Variants in PTPRN2 observed in about 807,000 individuals in gnomAD.
PTPRN2 encodes the protein protein tyrosine phosphatase receptor type N2.
A neutral mutation model predicts 118.8 loss-of-function variants in PTPRN2; 74 were observed. The ratio of observed to expected loss-of-function variants is 0.62; its 90% confidence interval spans 0.52 to 0.76. The LOEUF (loss-of-function observed/expected upper bound fraction) is 0.76, where lower values mean the gene tolerates loss of function less well. Ranked by LOEUF, PTPRN2 falls within the 30% of genes least tolerant of loss-of-function variation. The pLI is 0.00. For synonymous variants in PTPRN2, 641 were observed against 608.0 expected (o/e 1.05, Z -0.80); for missense variants, 1,481 against 1,394.4 (o/e 1.06, Z -0.99).
At chr7:158,163,909 T>C (rs1482704176) in intron 6 of PTPRN2, among the ~76,000 whole-genome samples, 1 of 152,284 alleles carries the variant, frequency 6.6e-6, no homozygotes, top group Admixed American at 6.5e-5. Flanking sequence ...GTGTATTTCA[T>C]AGGTGATACC....
intron 11 of PTPRN2, among the ~76,000 whole-genome samples, chr7:158,070,966 TCACGG>T (rs1811349525): frequency 1.2e-4 from 5 of 41,018 alleles, no homozygotes; most frequent in African/African-American, 4.2e-4. Context: ...GTGGAGGTGC[TCACGG>T]TGGAGGTGCC....
In PTPRN2 at chr7:158,489,793, G is replaced by T; in HGVS notation, c.113-8C>A. Reference sequence around the variant, plus strand: ...CCTCCTCGAGCAGGCAGCCTGCGGGGAAACAGAGAAGAGACGCGGTCAGCT... The same window carrying T: ...CCTCCTCGAGCAGGCAGCCTGCGGGTAAACAGAGAAGAGACGCGGTCAGCT... On this transcript the variant is annotated splice_region_variant and splice_polypyrimidine_tract_variant and intron_variant, in intron 1 of 22. Transcript: ENST00000389418. 1 of 1,571,362 alleles carries T rather than the reference G, an allele frequency of 6.4e-7. No homozygotes were observed.
intron 3 of PTPRN2, among the ~76,000 whole-genome samples, chr7:158,307,059 G>T (rs564107958): frequency 1.3e-5 from 2 of 152,058 alleles, no homozygotes; most frequent in African/African-American, 4.8e-5. Context: ...TAGAGACGGG[G>T]TTTCACCATG....
At chr7:158,270,978 C>T (rs1183518887) in intron 3 of PTPRN2, among the ~76,000 whole-genome samples, 21 of 116,966 alleles carry the variant, frequency 1.8e-4, no homozygotes, top group Admixed American at 2.5e-4. Flanking sequence ...CTGGACCACC[C>T]CCTCCACCTG....
At chr7:157,727,177 G>T (rs144191236) in intron 12 of PTPRN2, among the ~76,000 whole-genome samples, 1 of 152,170 alleles carries the variant, frequency 6.6e-6, no homozygotes, top group East Asian at 1.9e-4. Flanking sequence ...GTATTTGCAC[G>T]CCAGGTTCAC....
chr7:157,671,378 G>A lies in PTPRN2; in HGVS notation c.2001+11347C>T, dbSNP rs534720211. ...GTGACGAGACGTCACCGCAGAGGCGGCAGAAGGGATAAAGGGGAGGTAGGG... is the reference window on the plus strand; with the variant it reads ...GTGACGAGACGTCACCGCAGAGGCGACAGAAGGGATAAAGGGGAGGTAGGG... On this transcript the variant is annotated intron_variant, in intron 13 of 22. Coordinates refer to ENST00000389418, the MANE Select transcript of PTPRN2 (RefSeq NM_002847.5). This position sits in a 1 kb window ranked among gnomAD's most constrained non-coding sequence, Gnocchi z 4.1. Among the ~76,000 whole-genome samples the A allele has an allele frequency of 1.8e-4, 28 of 152,320 alleles. No individual in the cohort carries two copies. The highest frequency in any genetic ancestry group is 5.0e-4 in the African/African-American group (21 of 41,594).
At chr7:157,743,408 T>G (rs1323369820) in intron 12 of PTPRN2, among the ~76,000 whole-genome samples, 1 of 152,196 alleles carries the variant, frequency 6.6e-6, no homozygotes, top group African/African-American at 2.4e-5. Flanking sequence ...GGGCTATGCT[T>G]AGGGCCTAAG....
intron 10 of PTPRN2, among the ~76,000 whole-genome samples, chr7:158,084,980 C>T (rs1813179394): frequency 7.0e-6 from 1 of 143,298 alleles, no homozygotes; most frequent in Non-Finnish European, 1.5e-5. Flanking sequence ...CCACGACGCC[C>T]ATCCACACGG....
At chr7:158,489,115 A>C (rs1263806413) in intron 2 of PTPRN2, among the ~76,000 whole-genome samples, 3 of 152,238 alleles carry the variant, frequency 2.0e-5, no homozygotes, top group Non-Finnish European at 4.4e-5. Context: ...CTGTTTTCTT[A>C]TCCGCCTGAT....
At chr7:158,325,146 CAGAGATCCA>C (rs1338337298) in intron 2 of PTPRN2, among the ~76,000 whole-genome samples, 4 of 127,098 alleles carry the variant, frequency 3.1e-5, no homozygotes, top group Admixed American at 8.0e-5. Flanking sequence ...CAATTCTCCA[CAGAGATCCA>C]AGGGGGTCCC....
chr7:157,553,104 G>C (rs1798713778), intron 21 of PTPRN2, among the ~76,000 whole-genome samples: 1 of 152,178 alleles, frequency 6.6e-6, no homozygotes, highest in African/African-American at 2.4e-5. Flanking sequence ...GGAGAAGCAA[G>C]TGTGGTATAA....
intron 6 of PTPRN2, among the ~76,000 whole-genome samples, chr7:158,153,207 C>T (rs1425010406): frequency 1.3e-5 from 2 of 152,208 alleles, no homozygotes; most frequent in Non-Finnish European, 2.9e-5. Flanking sequence ...AATCATCTCC[C>T]TTCTGGCTCC....
At chr7:158,172,358 C>T (rs1286943244) in intron 5 of PTPRN2, among the ~76,000 whole-genome samples, 1 of 152,182 alleles carries the variant, frequency 6.6e-6, no homozygotes, top group African/African-American at 2.4e-5. Context: ...AGAGGAGGAA[C>T]TTGATAAATG....
At chr7:158,276,053 A>G (rs1392880227) in intron 3 of PTPRN2, among the ~76,000 whole-genome samples, 3 of 152,088 alleles carry the variant, frequency 2.0e-5, no homozygotes, top group Non-Finnish European at 2.9e-5. Context: ...CAAATCCTAC[A>G]GTCTCCTGGG....
chr7:158,521,509 C>T (rs1286520115), intron 1 of PTPRN2, among the ~76,000 whole-genome samples: 1 of 152,268 alleles, frequency 6.6e-6, no homozygotes, highest in African/African-American at 2.4e-5. Context: ...TCAGGAGCAG[C>T]ACGCTGGGTG....
rs1175851885 is a variant in PTPRN2 at position 158,334,953 on chromosome 7, C to A, written c.164-18021G>T. ...CTGTCGTCCGGAGGCGTCACTCACACCCACACTCTCACCATAAGCGCTGAC... is the reference window on the plus strand; with the variant it reads ...CTGTCGTCCGGAGGCGTCACTCACAACCACACTCTCACCATAAGCGCTGAC... On this transcript the variant is annotated intron_variant, in intron 2 of 22. Coordinates refer to ENST00000389418, the MANE Select transcript of PTPRN2 (RefSeq NM_002847.5). Among the ~76,000 whole-genome samples the A allele has an allele frequency of 4.4e-4, 6 of 13,758 alleles. 3 individuals are homozygous for A. The highest frequency in any genetic ancestry group is 1.0e-3 in the African/African-American group (6 of 5,926). The allele number at this position is 13,758 out of a possible 152,430, so 9.0% of individuals were successfully genotyped here.
rs1178539607 is a variant in PTPRN2 at position 157,893,386 on chromosome 7, T to G, written c.1788+5287A>C. On this transcript the variant is annotated intron_variant, in intron 12 of 22. Transcript: ENST00000389418. The surrounding 1 kb of genome is among the most constrained non-coding windows in gnomAD (Gnocchi z 4.0). ...CCTCAGCCCCCACGGTCCCCCGCAG[T>G]CTAGGGAGAACCTTCCTTCCCACAT... Among the ~76,000 whole-genome samples the G allele has an allele frequency of 6.6e-6, 1 of 152,154 alleles. No homozygotes were observed. Among genetic ancestry groups the G allele is most frequent in the East Asian group, 1.9e-4 (1 of 5,190 alleles).
In PTPRN2 at chr7:157,812,338, C is replaced by T. The variant is rs73513216; in HGVS notation, c.1788+86335G>A. Among the ~76,000 whole-genome samples, 1,378 of 152,270 alleles carry T rather than the reference C, an allele frequency of 9.0e-3. 18 individuals carry two copies. Among genetic ancestry groups the T allele is most frequent in the African/African-American group, 0.032 (1,321 of 41,542 alleles). On this transcript the variant is annotated intron_variant, in intron 12 of 22. Coordinates refer to ENST00000389418, the MANE Select transcript of PTPRN2 (RefSeq NM_002847.5). ...GCTGCCCTTCCTGGGGCACCTGTTT[C>T]GCTTTTTGTCTTTCTTTCCTCCCTT...
intron 2 of PTPRN2, among the ~76,000 whole-genome samples, chr7:158,328,191 G>C (rs776956104): frequency 6.6e-6 from 1 of 152,154 alleles, no homozygotes; most frequent in African/African-American, 2.4e-5. Context: ...CATAACTGCT[G>C]CAAAAATTCC....
Sources: gnomAD v4.1 joint callset for allele counts (sites outside exome capture counted in the v4.1 genomes callset) on GRCh38, gnomAD v4.1.1 for gene constraint, Gnocchi (gnomAD v3.1) non-coding constraint, MANE v1.5 for transcripts, NCBI Gene and HGNC (gene_info 2026-07-23, HGNC 2026-07-21) for gene names.